Variants in GPC5 observed in about 807,000 individuals in gnomAD.
GPC5 encodes the protein glypican 5, also known as glypican-5.
A neutral mutation model predicts 53.9 loss-of-function variants in GPC5; 47 were observed. That is an observed-to-expected ratio of 0.87 (90% CI 0.69 to 1.11). The LOEUF (loss-of-function observed/expected upper bound fraction) is 1.11. Ranked by LOEUF, GPC5 falls within the 50% of genes most tolerant of loss-of-function variation. The probability of loss-of-function intolerance (pLI) is 0.00; values close to 1 mark genes in which losing one functional copy is unlikely to be tolerated. For missense variants in GPC5, 748 were observed against 713.1 expected, an observed-to-expected ratio of 1.05 and a Z score of -0.56; for synonymous variants, 286 against 263.3, an observed-to-expected ratio of 1.09 and a Z score of -0.84.
chr13:92,403,719 C>A (rs1393218876), intron 7 of GPC5, among the ~76,000 whole-genome samples: 2 of 152,188 alleles, frequency 1.3e-5, no homozygotes, highest in African/African-American at 2.4e-5. Flanking sequence ...TTATTCATTT[C>A]TTCTTAGTGA....
intron 6 of GPC5, among the ~76,000 whole-genome samples, chr13:92,036,132 T>A (rs2040891316): frequency 6.6e-6 from 1 of 152,248 alleles, no homozygotes; most frequent in Non-Finnish European, 1.5e-5. Flanking sequence ...GTCTGTTGTC[T>A]ATTAGTCTTG....
chr13:92,572,970 T>A (rs570137601), intron 7 of GPC5, among the ~76,000 whole-genome samples: 7 of 152,332 alleles, frequency 4.6e-5, no homozygotes, highest in African/African-American at 1.7e-4. Context: ...ATCTCTCAAG[T>A]TACTTTTCAT....
intron 5 of GPC5, among the ~76,000 whole-genome samples, chr13:91,782,965 CATTT>C (rs921352309): frequency 2.6e-5 from 4 of 151,794 alleles, no homozygotes; most frequent in South Asian, 2.1e-4. Context: ...TTTTTCCTAA[CATTT>C]ATTCTGTTTG....
intron 2 of GPC5, among the ~76,000 whole-genome samples, chr13:91,591,713 G>C (rs1458069313): frequency 6.6e-6 from 1 of 152,094 alleles, no homozygotes; most frequent in African/African-American, 2.4e-5. Context: ...TCCTTCCTCA[G>C]CTTAGTCTAT....
intron 6 of GPC5, among the ~76,000 whole-genome samples, chr13:92,123,814 A>G (rs1017782857): frequency 4.6e-5 from 7 of 152,220 alleles, no homozygotes; most frequent in Non-Finnish European, 8.8e-5. Flanking sequence ...GATATTAAAA[A>G]TTAATTCAAA....
chr13:91,865,199 G>A (rs984744340), intron 5 of GPC5, among the ~76,000 whole-genome samples: 3 of 151,996 alleles, frequency 2.0e-5, no homozygotes, highest in Non-Finnish European at 2.9e-5. Flanking sequence ...GTGAGCCACC[G>A]CACCTGGCCT....
chr13:91,706,907 A>G (rs751093063), intron 3 of GPC5, among the ~76,000 whole-genome samples: 1 of 152,204 alleles, frequency 6.6e-6, no homozygotes, highest in Non-Finnish European at 1.5e-5. Context: ...AACAATATAC[A>G]TGTAACAATA....
chr13:92,813,465 C>A lies in GPC5; in HGVS notation c.1562-52817C>A, dbSNP rs192320099. 3.4e-3 allele frequency among the ~76,000 whole-genome samples: 514 copies of A among 152,088 alleles called. 6 individuals are homozygous for A. Among genetic ancestry groups the A allele is most frequent in the Non-Finnish European group, 4.3e-3 (293 of 68,014 alleles). ...GATCATCTCTTATTCAGCATTCCCA[C>A]AGCTTCTACTCCTGCCCTTTTCCCT... is the stretch of plus-strand genomic sequence containing the variant. On this transcript the variant is annotated intron_variant, in intron 7 of 7. Coordinates refer to ENST00000377067, the MANE Select transcript of GPC5 (RefSeq NM_004466.6).
rs1258548895 is a variant in GPC5 at position 92,269,300 on chromosome 13, C to T, written c.1561+124311C>T. ...AATTTTTATATATCTGATTTTACTTCTGTATGCTATTAGGTTGTAATTTTC... is the reference window on the plus strand; with the variant it reads ...AATTTTTATATATCTGATTTTACTTTTGTATGCTATTAGGTTGTAATTTTC... On this transcript the variant is annotated intron_variant, in intron 7 of 7. Transcript: ENST00000377067. 3.3e-5 allele frequency among the ~76,000 whole-genome samples: 5 copies of T among 152,124 alleles called. No homozygotes were observed. The East Asian group carries it at 7.7e-4, about 23-fold the overall frequency.
At chr13:92,763,716 G>A (rs1254100260) in intron 7 of GPC5, among the ~76,000 whole-genome samples, 1 of 152,138 alleles carries the variant, frequency 6.6e-6, no homozygotes, top group East Asian at 1.9e-4. Flanking sequence ...AAAAAGCCAA[G>A]GACGGTGATT....
At chr13:92,598,058 A>C (rs1050512176) in intron 7 of GPC5, among the ~76,000 whole-genome samples, 5 of 152,158 alleles carry the variant, frequency 3.3e-5, no homozygotes, top group African/African-American at 7.2e-5. Context: ...AGGTCATTCC[A>C]TCTAAATTTA....
At chr13:92,189,140 C>A (rs185164211) in intron 7 of GPC5, among the ~76,000 whole-genome samples, 1 of 152,110 alleles carries the variant, frequency 6.6e-6, no homozygotes, top group Non-Finnish European at 1.5e-5. Context: ...TAGGTCCCCA[C>A]GGTGACTATC....
rs1264695958 is a variant in GPC5 at position 91,478,848 on chromosome 13, T to TTA, written c.325+29937_325+29938dup. 9.2e-3 allele frequency among the ~76,000 whole-genome samples: 914 copies of TTA among 99,338 alleles called. 31 individuals are homozygous for TTA. The highest frequency in any genetic ancestry group is 0.032 in the African/African-American group (829 of 26,054). 65.2% of individuals were successfully genotyped at this position (99,338 alleles called of 152,430 possible). A position where few individuals can be genotyped will look rare whatever the true frequency, so the allele number is the denominator to read the frequency against. On this transcript the variant is annotated intron_variant, in intron 2 of 7. Coordinates refer to ENST00000377067, the MANE Select transcript of GPC5 (RefSeq NM_004466.6). ...ACACACACACACATATATATACACA[T>TTA]TATATATATATACACACACATATAT... is the stretch of plus-strand genomic sequence containing the variant.
intron 5 of GPC5, among the ~76,000 whole-genome samples, chr13:91,808,095 T>A (rs2038250425): frequency 6.6e-6 from 1 of 152,122 alleles, no homozygotes; most frequent in Non-Finnish European, 1.5e-5. Flanking sequence ...TTAAGATCTA[T>A]CTTTCTAGGA....
chr13:92,310,471 G>A (rs1159511517), intron 7 of GPC5, among the ~76,000 whole-genome samples: 2 of 152,084 alleles, frequency 1.3e-5, no homozygotes, highest in African/African-American at 4.8e-5. Flanking sequence ...TAAGTCTACA[G>A]TAACAGCTGT....
intron 7 of GPC5, among the ~76,000 whole-genome samples, chr13:92,299,571 T>C (rs1035155166): frequency 1.3e-5 from 2 of 152,218 alleles, no homozygotes; most frequent in Non-Finnish European, 2.9e-5. Flanking sequence ...AAAAATTATG[T>C]AGATAGTGTA....
chr13:91,541,148 A>C (rs1024159115), intron 2 of GPC5, among the ~76,000 whole-genome samples: 1 of 152,194 alleles, frequency 6.6e-6, no homozygotes, highest in African/African-American at 2.4e-5. Context: ...CATTCACATG[A>C]TTAAAATTTT....
chr13:92,112,799 G>C (rs980727887), intron 6 of GPC5, among the ~76,000 whole-genome samples: 3 of 152,078 alleles, frequency 2.0e-5, no homozygotes, highest in Non-Finnish European at 2.9e-5. Context: ...AGGTTGAAAA[G>C]CCAGTAGGGA....
At chr13:92,534,873 A>C (rs2138992869) in intron 7 of GPC5, among the ~76,000 whole-genome samples, 1 of 152,310 alleles carries the variant, frequency 6.6e-6, no homozygotes, top group South Asian at 2.1e-4. Context: ...GAGGATAGGA[A>C]AGGAGAAACA....
Sources: allele counts gnomAD v4.1 joint callset (sites outside exome capture counted in the v4.1 genomes callset), GRCh38; gene constraint gnomAD v4.1.1; transcripts MANE v1.5; gene names NCBI Gene and HGNC (gene_info 2026-07-23, HGNC 2026-07-21).